The following GSAP variants were observed in gnomAD, a reference collection of about 807,000 sequenced individuals.
GSAP encodes the protein gamma-secretase-activating protein.
Under a neutral mutation model 131.7 loss-of-function variants are expected in GSAP, and 118 were observed. The ratio of observed to expected loss-of-function variants is 0.90; its 90% confidence interval spans 0.77 to 1.04. GSAP has a LOEUF of 1.04. Among genes scored for constraint, GSAP ranks in the 50% least tolerant of loss-of-function variants. GSAP has a pLI of 0.00. For missense variants in GSAP, 1,019 were observed against 1,013.2 expected (o/e 1.01, Z -0.08); for synonymous variants, 381 against 363.4 (o/e 1.05, Z -0.55).
intron 1 of GSAP, among the ~76,000 whole-genome samples, chr7:77,408,636 G>A (rs908723885): frequency 6.8e-6 from 1 of 146,280 alleles, no homozygotes; most frequent in Non-Finnish European, 1.5e-5. Context: ...AGGAGGTGGA[G>A]GTTGCAATGA....
chr7:77,359,429 T>C (rs776329578), intron 14 of GSAP, among the ~76,000 whole-genome samples: 3 of 152,148 alleles, frequency 2.0e-5, no homozygotes, highest in Non-Finnish European at 4.4e-5. Context: ...CTTTCTTACA[T>C]AGAAGTGTCT....
chr7:77,375,273 C>T (rs1180213065), intron 10 of GSAP, among the ~76,000 whole-genome samples, 172 bp from the exon 11 acceptor site: 3 of 152,142 alleles, frequency 2.0e-5, no homozygotes, highest in African/African-American at 7.2e-5. Flanking sequence ...ATAGAAAGTC[C>T]ATTGAAAATA....
chr7:77,318,804 T>C (rs890245658), intron 26 of GSAP, among the ~76,000 whole-genome samples: 12 of 151,326 alleles, frequency 7.9e-5, no homozygotes, highest in Non-Finnish European at 1.2e-4. Flanking sequence ...TTGGCAATGA[T>C]TCCTTGAATA....
At chr7:77,350,164 A>G (rs1293925882) in intron 18 of GSAP, among the ~76,000 whole-genome samples, 1 of 150,778 alleles carries the variant, frequency 6.6e-6, no homozygotes, top group African/African-American at 2.4e-5. Flanking sequence ...TCAGTAAACT[A>G]TCGCAAGGAC....
chr7:77,335,746 T>C (rs1789890939), intron 19 of GSAP, among the ~76,000 whole-genome samples: 1 of 152,246 alleles, frequency 6.6e-6, no homozygotes, highest in South Asian at 2.1e-4. Flanking sequence ...TTCTGCTGAT[T>C]AAGCAGCATC....
At chr7:77,372,951 T>A (rs1354739180) in intron 12 of GSAP, among the ~76,000 whole-genome samples, 1 of 152,048 alleles carries the variant, frequency 6.6e-6, no homozygotes, top group African/African-American at 2.4e-5. Flanking sequence ...AGGACTGGTG[T>A]ATGAAGGGAT....
In GSAP at chr7:77,311,149, T is replaced by TA. The variant is rs1355285199; in HGVS notation, c.*208dup. 7.7e-6 allele frequency: 4 copies of TA among 520,338 alleles called. No individual in the cohort carries two copies. Among genetic ancestry groups the TA allele is most frequent in the Non-Finnish European group, 1.4e-5 (4 of 290,690 alleles). 32.2% of individuals were successfully genotyped at this position (520,338 alleles called of 1,614,324 possible). A position where few individuals can be genotyped will look rare whatever the true frequency, so the allele number is the denominator to read the frequency against. On this transcript the variant is annotated 3_prime_UTR_variant, in exon 31 of 31. Transcript: ENST00000257626. ...CTTCTTAGGCCATTTATCATTTCTC[T>TA]ACACTTGATTGCTCACTGGCTATTC...
intron 19 of GSAP, among the ~76,000 whole-genome samples, chr7:77,345,688 G>A (rs897697605): frequency 3.3e-5 from 5 of 151,948 alleles, no homozygotes; most frequent in South Asian, 4.2e-4. Context: ...TGTGACACAC[G>A]CCCCTGCTCA....
chr7:77,406,894 CGCT>C (rs1802370098), intron 1 of GSAP, among the ~76,000 whole-genome samples: 1 of 152,316 alleles, frequency 6.6e-6, no homozygotes, highest in East Asian at 1.9e-4. Context: ...CCCCTCTCCC[CGCT>C]GCTAAGGCGG....
intron 16 of GSAP, 118 bp from the exon 17 acceptor site, chr7:77,353,759 A>G (rs1212366084): frequency 1.7e-5 from 11 of 640,734 alleles, no homozygotes; most frequent in Admixed American, 5.4e-5. Flanking sequence ...GAATTGCCTA[A>G]GAATATACTC....
At chr7:77,338,692 C>T (rs552358935) in intron 19 of GSAP, among the ~76,000 whole-genome samples, 102 of 152,292 alleles carry the variant, frequency 6.7e-4, no homozygotes, top group Non-Finnish European at 1.3e-3. Context: ...TAATTGCAAT[C>T]ACCAGGGCTC....
At chr7:77,335,454 C>G (rs17151923) in intron 19 of GSAP, among the ~76,000 whole-genome samples, 30,558 of 152,120 alleles carry the variant, frequency 0.2, 3,279 homozygotes, top group African/African-American at 0.23. Context: ...GAAGCAATCA[C>G]ATCCTCAAGG....
Position 77,353,613 on chromosome 7 carries a change from G to T in GSAP, c.1367C>A (p.Ser456Tyr). 6.2e-7 allele frequency: 1 copy of T among 1,610,666 alleles called. No homozygotes were observed. The highest frequency in any genetic ancestry group is 8.5e-7 in the Non-Finnish European group (1 of 1,177,484). The change falls in exon 17 of 31, where the codon TCT (serine) becomes TAT (tyrosine). Residue 456 changes from serine to tyrosine, a missense_variant. Coordinates refer to ENST00000257626, the MANE Select transcript of GSAP (RefSeq NM_017439.4). ...AATGAGGTCAAATGAATGGCAGGCA[G>T]AGACATTCTCAGAAATCCACTGAAT... ...QIIQWISENV[S>Y]ACHSFDLIQE...
Position 77,346,270 on chromosome 7 carries a change from C to CAAAAAA in GSAP, c.1545+3075_1545+3080dup, listed in dbSNP as rs1223497863. The stretch of plus-strand genomic sequence containing the variant: ...GGGCAACGAGAATGAGACTCCATCT[C>CAAAAAA]AAAAAAAAAAAAAAAAAAAAGAAAG... On this transcript the variant is annotated intron_variant, in intron 19 of 30. Coordinates refer to ENST00000257626, the MANE Select transcript of GSAP (RefSeq NM_017439.4). Among the ~76,000 whole-genome samples the CAAAAAA allele has an allele frequency of 3.1e-3, 125 of 40,840 alleles. 4 individuals carry two copies. Among genetic ancestry groups the CAAAAAA allele is most frequent in the Middle Eastern group, 0.015 (1 of 68 alleles). 26.8% of individuals were successfully genotyped at this position (40,840 alleles called of 152,430 possible). A position where few individuals can be genotyped will look rare whatever the true frequency, so the allele number is the denominator to read the frequency against.
At chr7:77,379,935 T>C (rs1209980333) in intron 8 of GSAP, 5 of 939,276 alleles carry the variant, frequency 5.3e-6, no homozygotes, top group Non-Finnish European at 6.3e-6. Flanking sequence ...TCTGTTTCAA[T>C]TTGTTCACTT....
intron 27 of GSAP, 125 bp downstream of exon 27, chr7:77,314,245 C>A: frequency 1.1e-6 from 1 of 898,654 alleles, no homozygotes. Flanking sequence ...CAGCATTAAA[C>A]TGAGCAGGGC....
chr7:77,389,223 T>C (rs1799032796), intron 5 of GSAP, among the ~76,000 whole-genome samples: 2 of 151,690 alleles, frequency 1.3e-5, no homozygotes, highest in Admixed American at 1.3e-4. Context: ...CCTAAAAGTA[T>C]GCGTGTGTGT....
intron 8 of GSAP, among the ~76,000 whole-genome samples, chr7:77,381,011 G>A (rs1159968831): frequency 2.0e-5 from 3 of 152,166 alleles, no homozygotes; most frequent in Non-Finnish European, 4.4e-5. Context: ...CCACATATGT[G>A]CATCTAACCT....
Position 77,330,329 on chromosome 7 carries a change from G to A in GSAP, c.1584C>T (p.Ser528=). ...SFKGYWEKLN[S]NLEYVKYAKP... is the part of the protein sequence containing the mutation. ...TGGCGTACTTAACATATTCTAGGTTGGAGTTCAGTTTTTCCCAGTAGCCCT... is the reference window on the plus strand; with the variant it reads ...TGGCGTACTTAACATATTCTAGGTTAGAGTTCAGTTTTTCCCAGTAGCCCT... Residue 528 remains serine, a synonymous_variant, in exon 20 of 31, where the codon TCC becomes TCT. Transcript: ENST00000257626. The A allele has an allele frequency of 6.2e-7, 1 of 1,613,796 alleles. No homozygotes were observed. The highest frequency in any genetic ancestry group is 8.5e-7 in the Non-Finnish European group (1 of 1,179,826).
Sources: allele counts gnomAD v4.1 joint callset (sites outside exome capture counted in the v4.1 genomes callset), GRCh38; gene constraint gnomAD v4.1.1; transcripts MANE v1.5; gene names NCBI Gene and HGNC (gene_info 2026-07-23, HGNC 2026-07-21).